TRAF3: variants seen among roughly 807,000 people sequenced by gnomAD.
TRAF3 encodes the protein TNF receptor associated factor 3.
In TRAF3, 13 loss-of-function variants were observed where a neutral mutation model predicts 62.3. The observed-to-expected ratio is 0.21, with a 90% CI of 0.14 to 0.33. The LOEUF is 0.33. Ranked by LOEUF, TRAF3 falls within the 10% of genes least tolerant of loss-of-function variation. The probability of loss-of-function intolerance (pLI) is 1.00; values close to 1 mark genes in which losing one functional copy is unlikely to be tolerated. For synonymous variants in TRAF3, 269 were observed against 283.4 expected, an observed-to-expected ratio of 0.95 and a Z score of 0.51; for missense variants, 440 against 741.8, an observed-to-expected ratio of 0.59 and a Z score of 4.73.
At chr14:102,835,719 CAAAG>C (rs534390036) in intron 2 of TRAF3, among the ~76,000 whole-genome samples, 110 of 152,002 alleles carry the variant, frequency 7.2e-4, no homozygotes, top group African/African-American at 2.6e-3. Context: ...CACATGGACA[CAAAG>C]AAGGGAACAA....
intron 2 of TRAF3, among the ~76,000 whole-genome samples, chr14:102,837,202 A>C (rs1886078632): frequency 6.6e-6 from 1 of 150,922 alleles, no homozygotes; most frequent in African/African-American, 2.4e-5. Flanking sequence ...GCAGTGGTAT[A>C]ATGACAGCTC....
intron 1 of TRAF3, among the ~76,000 whole-genome samples, chr14:102,820,307 G>A (rs1031599978): frequency 2.6e-5 from 4 of 151,942 alleles, no homozygotes; most frequent in African/African-American, 4.8e-5. Flanking sequence ...GGAAAGGGCC[G>A]ACTCCAGGTG....
intron 1 of TRAF3, among the ~76,000 whole-genome samples, chr14:102,813,595 C>T (rs1202679646): frequency 6.6e-6 from 1 of 151,822 alleles, no homozygotes; most frequent in Non-Finnish European, 1.5e-5. Context: ...GGACTACAGG[C>T]GCACACCACC....
intron 1 of TRAF3, among the ~76,000 whole-genome samples, chr14:102,786,870 G>C (rs1364542265): frequency 6.6e-6 from 1 of 152,136 alleles, no homozygotes; most frequent in African/African-American, 2.4e-5. Context: ...TGCTCCTGTA[G>C]TCCCATCTAA....
chr14:102,900,210 C>G (rs1326841622), intron 10 of TRAF3, among the ~76,000 whole-genome samples: 1 of 145,046 alleles, frequency 6.9e-6, no homozygotes, highest in African/African-American at 2.6e-5. Flanking sequence ...AAAAGACAGC[C>G]TAGGCCGGTA....
At chr14:102,904,735 G>T (rs796646106) in intron 11 of TRAF3, among the ~76,000 whole-genome samples, 17 of 151,430 alleles carry the variant, frequency 1.1e-4, no homozygotes, top group African/African-American at 4.1e-4. Flanking sequence ...GTGTGAACCC[G>T]GGAGGCGGAG....
intron 1 of TRAF3, among the ~76,000 whole-genome samples, chr14:102,802,981 A>T (rs1347507674): frequency 6.6e-6 from 1 of 152,214 alleles, no homozygotes; most frequent in Non-Finnish European, 1.5e-5. Context: ...GGCAGCAAGG[A>T]GAAGTGCAGA....
chr14:102,824,454 C>T (rs1226865738), intron 1 of TRAF3, among the ~76,000 whole-genome samples: 1 of 152,246 alleles, frequency 6.6e-6, no homozygotes, highest in Non-Finnish European at 1.5e-5. Flanking sequence ...CTCTTGGGGA[C>T]ATCCTTTGTT....
At chr14:102,853,837 T>TA (rs35601098) in intron 2 of TRAF3, among the ~76,000 whole-genome samples, 49,316 of 133,152 alleles carry the variant, frequency 0.37, 11,484 homozygotes, top group African/African-American at 0.67. Flanking sequence ...AGACTCCGTC[T>TA]AAAAAAAAAA....
intron 10 of TRAF3, among the ~76,000 whole-genome samples, chr14:102,900,676 C>T (rs2139991237): frequency 6.6e-6 from 1 of 152,338 alleles, no homozygotes; most frequent in East Asian, 1.9e-4. Context: ...GCTGCCGGCA[C>T]CACCGGGCTT....
intron 11 of TRAF3, among the ~76,000 whole-genome samples, chr14:102,904,307 T>C (rs780242090): frequency 6.6e-6 from 1 of 152,144 alleles, no homozygotes; most frequent in South Asian, 2.1e-4. Flanking sequence ...TGGGAGGCGG[T>C]GGCCTCAGGA....
At position 102,854,857 on chromosome 14, in the gene TRAF3, T is replaced by G. The variant is rs547154973; in HGVS notation, c.-17-15328T>G. On this transcript the variant is annotated intron_variant, in intron 2 of 11. Transcript: ENST00000392745. ...AAAATAAATTGTGGTGAGATACACA[T>G]AACATTAGCCATTTAAAAGTGAATG... 6.0e-3 allele frequency among the ~76,000 whole-genome samples: 881 copies of G among 148,000 alleles called. 8 individuals are homozygous for G. The highest frequency in any genetic ancestry group is 0.021 in the African/African-American group (850 of 40,330).
intron 1 of TRAF3, among the ~76,000 whole-genome samples, chr14:102,791,813 CTTTT>C (rs112341301): frequency 1.6e-4 from 23 of 146,290 alleles, no homozygotes; most frequent in Non-Finnish European, 3.0e-4. Context: ...TCTTTCTTTC[CTTTT>C]TTTTTTTGTT....
chr14:102,795,548 A>T (rs563930194), intron 1 of TRAF3, among the ~76,000 whole-genome samples: 2 of 151,390 alleles, frequency 1.3e-5, no homozygotes, highest in Admixed American at 1.3e-4. Context: ...CTGTGGTGTT[A>T]TATATATACA....
chr14:102,810,041 G>A (rs1899027935), intron 1 of TRAF3, among the ~76,000 whole-genome samples: 1 of 152,130 alleles, frequency 6.6e-6, no homozygotes, highest in Non-Finnish European at 1.5e-5. Flanking sequence ...GTGTTTAAAG[G>A]ATTGTAAAAA....
At chr14:102,870,559 G>T in intron 3 of TRAF3, 113 bp downstream of exon 3, 1 of 1,423,556 alleles carries the variant, frequency 7.0e-7, no homozygotes, top group Non-Finnish European at 9.5e-7. Context: ...CCCTAAAGAA[G>T]TCCATAAAAG....
chr14:102,860,262 G>A (rs550102025), intron 2 of TRAF3, among the ~76,000 whole-genome samples: 6 of 152,176 alleles, frequency 3.9e-5, no homozygotes, highest in Non-Finnish European at 8.8e-5. Flanking sequence ...ATAATGTGAA[G>A]TAATTTCTGA....
At chr14:102,820,623 T>TAC (rs1899915772) in intron 1 of TRAF3, among the ~76,000 whole-genome samples, 1 of 65,808 alleles carries the variant, frequency 1.5e-5, no homozygotes, top group Non-Finnish European at 2.5e-5. Context: ...TATTTTTTTT[T>TAC]TTTTTTTTTT....
intron 2 of TRAF3, among the ~76,000 whole-genome samples, chr14:102,846,888 G>T (rs112306268): frequency 6.6e-6 from 1 of 152,192 alleles, no homozygotes; most frequent in African/African-American, 2.4e-5. Flanking sequence ...TTTGGGGTCA[G>T]ATAGAGGCAC....
Sources: gnomAD v4.1 joint callset for allele counts (sites outside exome capture counted in the v4.1 genomes callset) on GRCh38, gnomAD v4.1.1 for gene constraint, MANE v1.5 for transcripts, NCBI Gene and HGNC (gene_info 2026-07-23, HGNC 2026-07-21) for gene names.